The following GLUD1 variants were observed in gnomAD, a reference collection of about 807,000 sequenced individuals.
The protein encoded by GLUD1 is glutamate dehydrogenase 1, mitochondrial.
GLUD1 carries 22 observed loss-of-function variants against 56.0 expected under a neutral mutation model. The ratio of observed to expected loss-of-function variants is 0.39; its 90% CI spans 0.28 to 0.56. The LOEUF is 0.56. GLUD1 is among the 20% of genes least tolerant of loss of function. The pLI is 0.58. For synonymous variants in GLUD1, 223 were observed against 269.9 expected, an observed-to-expected ratio of 0.83 and a Z score of 1.70; for missense variants, 451 against 732.0, an observed-to-expected ratio of 0.62 and a Z score of 4.43.
chr10:87,053,292 G>A (rs752729923), intron 12 of GLUD1, 50 bp downstream of exon 12: 2 of 1,215,826 alleles, frequency 1.6e-6, no homozygotes, highest in East Asian at 2.3e-5. Context: ...GCATGGTTGA[G>A]TTGCACTTCA....
intron 1 of GLUD1, among the ~76,000 whole-genome samples, chr10:87,087,230 G>C (rs73337689): frequency 2.2e-3 from 330 of 152,304 alleles, no homozygotes; most frequent in African/African-American, 7.5e-3. Context: ...GCCATGTCTG[G>C]AATGTCCCCA....
At position 87,075,457 on chromosome 10, in the gene GLUD1, GATATAGAT is replaced by G. The variant is rs201582648; in HGVS notation, c.582+503_582+510del. 3.6e-4 allele frequency among the ~76,000 whole-genome samples: 55 copies of G among 152,194 alleles called. 1 individual carries two copies. The East Asian group carries it at 0.011, about 29-fold the overall frequency. ...CCAAATGAAACAGAAAATGATAAAG[GATATAGAT>G]ATTAAGTAGGTGATCTTTATATGGC... is the stretch of plus-strand genomic sequence containing the variant. On this transcript the variant is annotated intron_variant, in intron 3 of 12. Coordinates refer to ENST00000277865, the MANE Select transcript of GLUD1 (RefSeq NM_005271.5).
intron 6 of GLUD1, among the ~76,000 whole-genome samples, chr10:87,062,068 C>A (rs1262211271): frequency 6.6e-6 from 1 of 152,192 alleles, no homozygotes; most frequent in African/African-American, 2.4e-5. Context: ...AGGCGTGAGC[C>A]ACCACGCCCG....
intron 6 of GLUD1, among the ~76,000 whole-genome samples, chr10:87,061,989 G>A (rs979087528): frequency 6.6e-6 from 1 of 152,136 alleles, no homozygotes; most frequent in African/African-American, 2.4e-5. Context: ...TCACCATGTT[G>A]GCCAGGATGG....
Position 87,073,284 on chromosome 10 carries a change from G to A in GLUD1, c.646+1267C>T, listed in dbSNP as rs146599597. On this transcript the variant is annotated intron_variant, in intron 4 of 12. Coordinates refer to ENST00000277865, the MANE Select transcript of GLUD1 (RefSeq NM_005271.5). ...CTTAAGGGATCCTCCCATCTTAGTA[G>A]TTGGGACCACAGGCATGCACCATCA... 5.7e-3 allele frequency among the ~76,000 whole-genome samples: 874 copies of A among 152,230 alleles called. 8 individuals carry two copies. Among genetic ancestry groups the A allele is most frequent in the African/African-American group, 0.019 (775 of 41,530 alleles).
chr10:87,053,094 C>G (rs1845681495), intron 12 of GLUD1, among the ~76,000 whole-genome samples: 1 of 152,216 alleles, frequency 6.6e-6, no homozygotes, highest in Non-Finnish European at 1.5e-5. Context: ...ACTGGGCTAG[C>G]TGCCAACATC....
chr10:87,080,569 G>A (rs1200886268), intron 1 of GLUD1, among the ~76,000 whole-genome samples: 2 of 151,888 alleles, frequency 1.3e-5, no homozygotes, highest in Non-Finnish European at 1.5e-5. Context: ...TCTGCGATGT[G>A]GGGAGCGCCT....
intron 1 of GLUD1, among the ~76,000 whole-genome samples, chr10:87,081,194 T>TG (rs71019463): frequency 4.3e-4 from 47 of 110,090 alleles, no homozygotes; most frequent in Non-Finnish European, 7.3e-4. Flanking sequence ...AGGAGGGAGG[T>TG]GGGGGGGTCA....
chr10:87,094,096 G>A lies in GLUD1; in HGVS notation c.445+229C>T, dbSNP rs1841635533. 1 of 1,507,158 alleles carries A rather than the reference G, an allele frequency of 6.6e-7. No homozygotes were observed. The highest frequency in any genetic ancestry group is 8.8e-7 in the Non-Finnish European group (1 of 1,130,382). The allele number at this position is 1,507,158 out of a possible 1,614,324, so 93.4% of individuals were successfully genotyped here. On this transcript the variant is annotated intron_variant, in intron 1 of 12. Coordinates refer to ENST00000277865, the MANE Select transcript of GLUD1 (RefSeq NM_005271.5). The surrounding 1 kb of genome is among the most constrained non-coding windows in gnomAD (Gnocchi z 6.6). The stretch of plus-strand genomic sequence containing the variant: ...GCAAGATCAGCATATACAGAGGCCC[G>A]GGGTGACGGCGCGGGGGAGGGGGCA...
intron 11 of GLUD1, among the ~76,000 whole-genome samples, chr10:87,055,885 G>A (rs1845758319): frequency 6.6e-6 from 1 of 152,088 alleles, no homozygotes; most frequent in Admixed American, 6.5e-5. Flanking sequence ...GGAGGCCGAG[G>A]CGGGTGGATC....
chr10:87,091,055 A>G (rs1365712261), intron 1 of GLUD1, among the ~76,000 whole-genome samples: 2 of 152,212 alleles, frequency 1.3e-5, no homozygotes, highest in Non-Finnish European at 2.9e-5. Context: ...TTTAAAAACT[A>G]GTTACTGGAT....
In GLUD1 at chr10:87,094,050, G is replaced by A. The variant is rs551089914; in HGVS notation, c.445+275C>T. 46 of 1,504,626 alleles carry A rather than the reference G, an allele frequency of 3.1e-5. No individual in the cohort carries two copies. In the African/African-American group the frequency reaches 5.7e-4, roughly 19 times the overall value. The allele number at this position is 1,504,626 out of a possible 1,614,324, so 93.2% of individuals were successfully genotyped here. On this transcript the variant is annotated intron_variant, in intron 1 of 12. Transcript: ENST00000277865. The surrounding 1 kb of genome is among the most constrained non-coding windows in gnomAD (Gnocchi z 6.6). ...CAGACACCGGGACCAAAAGGAGACC[G>A]GTGCAGCGTCTACTCTGCATGCAAG...
chr10:87,085,829 G>T (rs922853542), intron 1 of GLUD1, among the ~76,000 whole-genome samples: 2 of 152,180 alleles, frequency 1.3e-5, no homozygotes, highest in Non-Finnish European at 2.9e-5. Flanking sequence ...ACAGATGGAA[G>T]ATTATACATT....
chr10:87,082,230 TA>T (rs879434373), intron 1 of GLUD1, among the ~76,000 whole-genome samples: 1 of 150,256 alleles, frequency 6.7e-6, no homozygotes, highest in Non-Finnish European at 1.5e-5. Flanking sequence ...TAGATGTTAT[TA>T]AAAATTAGAA....
chr10:87,063,405 G>A (rs190626037), intron 5 of GLUD1, among the ~76,000 whole-genome samples: 15 of 152,150 alleles, frequency 9.9e-5, no homozygotes, highest in Non-Finnish European at 1.8e-4. Context: ...GAAAAAACAA[G>A]AGTGTAGGGA....
intron 12 of GLUD1, 144 bp from the exon 13 acceptor site, chr10:87,052,014 A>G: frequency 1.1e-6 from 1 of 907,440 alleles, no homozygotes; most frequent in Non-Finnish European, 1.8e-6. Flanking sequence ...AAACTACTCT[A>G]GCAGCAGAAC....
intron 12 of GLUD1, among the ~76,000 whole-genome samples, chr10:87,052,360 C>T (rs1447220393): frequency 6.6e-6 from 1 of 151,794 alleles, no homozygotes; most frequent in Non-Finnish European, 1.5e-5. Flanking sequence ...TGGGGGTGGG[C>T]GCCTGTAATC....
chr10:87,094,451 G>A lies in GLUD1; in HGVS notation c.319C>T (p.Arg107Trp). 1.2e-6 allele frequency: 2 copies of A among 1,613,740 alleles called. No individual in the cohort carries two copies. The highest frequency in any genetic ancestry group is 1.7e-6 in the Non-Finnish European group (2 of 1,179,960). The part of the protein sequence containing the change: ...QKRNRVRGIL[R>W]IIKPCNHVLS... ...ACATGGTTGCAGGGCTTGATGATCC[G>A]CAGGATGCCGCGCACCCGGTTCCGC... is the stretch of plus-strand genomic sequence containing the variant. Residue 107 changes from arginine (R) to tryptophan (W), a missense_variant, in exon 1 of 13, where the codon CGG becomes TGG. Physicochemically the swap from Arg to Trp is moderately radical, Grantham distance 101. Around this residue, in one of 4 missense-constraint regions of GLUD1, gnomAD observed 158 missense variants for 189.7 expected, o/e 0.83. Coordinates refer to ENST00000277865, the MANE Select transcript of GLUD1 (RefSeq NM_005271.5). This position sits in a 1 kb window ranked among gnomAD's most constrained non-coding sequence, Gnocchi z 6.6.
chr10:87,079,290 G>A (rs1841139581), intron 1 of GLUD1, among the ~76,000 whole-genome samples: 1 of 150,068 alleles, frequency 6.7e-6, no homozygotes, highest in Non-Finnish European at 1.5e-5. Context: ...AAAAAAAATT[G>A]AGTTGGGCGT....
Sources: allele counts gnomAD v4.1 joint callset (sites outside exome capture counted in the v4.1 genomes callset), GRCh38; gene constraint gnomAD v4.1.1; regional missense constraint gnomAD v4.1.1; non-coding constraint Gnocchi (gnomAD v3.1); transcripts MANE v1.5; gene names NCBI Gene and HGNC (gene_info 2026-07-23, HGNC 2026-07-21).